GAL: variants seen among roughly 807,000 people sequenced by gnomAD.
GAL encodes the protein galanin and GMAP prepropeptide.
Under a neutral mutation model 15.8 loss-of-function variants are expected in GAL, and 14 were observed. That is an observed-to-expected ratio of 0.89 (90% CI 0.59 to 1.39). The LOEUF is 1.39. Ranked by LOEUF, GAL falls within the 40% of genes most tolerant of loss-of-function variation. The pLI, the probability that GAL is intolerant of heterozygous loss-of-function variation, is 0.00. For synonymous variants in GAL, 79 were observed against 73.8 expected (o/e 1.07, Z -0.36); for missense variants, 176 against 170.4 (o/e 1.03, Z -0.18).
In GAL at chr11:68,691,034, C is replaced by T. The variant is rs775052057; in HGVS notation, c.*47C>T. 3 of 1,184,456 alleles carry T rather than the reference C, an allele frequency of 2.5e-6. No individual in the cohort carries two copies. Among genetic ancestry groups the T allele is most frequent in the Non-Finnish European group, 2.5e-6 (2 of 788,268 alleles). The allele number at this position is 1,184,456 out of a possible 1,614,324, so 73.4% of individuals were successfully genotyped here. The stretch of plus-strand genomic sequence containing the variant: ...CTGTGTGCTGTAACCTGAAGTCAAA[C>T]CTTAAGATAATGGATAATCTTCGGC... On this transcript the variant is annotated 3_prime_UTR_variant, in exon 6 of 6. Coordinates refer to ENST00000265643, the MANE Select transcript of GAL (RefSeq NM_015973.5).
intron 3 of GAL, 44 bp downstream of exon 3, chr11:68,685,692 G>A (rs377221826): frequency 6.9e-7 from 1 of 1,443,448 alleles, no homozygotes; most frequent in South Asian, 1.2e-5. Context: ...GACCCCACCT[G>A]CCCCTCGCTT....
chr11:68,686,582 T>C (rs1159344649), intron 3 of GAL, among the ~76,000 whole-genome samples: 1 of 152,028 alleles, frequency 6.6e-6, no homozygotes, highest in Non-Finnish European at 1.5e-5. Context: ...TTTATCGGGG[T>C]CACTCAGAGG....
chr11:68,688,971 G>A, intron 5 of GAL, 45 bp downstream of exon 5: 2 of 945,454 alleles, frequency 2.1e-6, no homozygotes, highest in Non-Finnish European at 1.7e-6. Context: ...TTAGTACACT[G>A]GAAACGTAAA....
chr11:68,686,278 C>G (rs2153989778), intron 3 of GAL, among the ~76,000 whole-genome samples: 1 of 152,290 alleles, frequency 6.6e-6, no homozygotes, highest in Middle Eastern at 3.4e-3. Context: ...TCTACTTTCT[C>G]CACATCCTTG....
At chr11:68,688,981 A>G in intron 5 of GAL, 55 bp downstream of exon 5, 2 of 867,062 alleles carry the variant, frequency 2.3e-6, no homozygotes, top group Admixed American at 1.8e-5. Context: ...GGAAACGTAA[A>G]AGGCCCATCG....
At chr11:68,685,198 C>T (rs573835836) in intron 2 of GAL, among the ~76,000 whole-genome samples, 194 bp downstream of exon 2, 15 of 152,334 alleles carry the variant, frequency 9.8e-5, no homozygotes, top group Admixed American at 2.0e-4. Context: ...CGCGCTTCTC[C>T]GAGTGTATCA....
rs936711290 is a variant in GAL at position 68,688,853 on chromosome 11, C to G, written c.228C>G (p.Ser76Arg). The G allele has an allele frequency of 4.0e-6, 6 of 1,515,790 alleles. No individual in the cohort carries two copies. Among genetic ancestry groups the G allele is most frequent in the Middle Eastern group, 1.7e-4 (1 of 5,904 alleles). 93.9% of individuals were successfully genotyped at this position (1,515,790 alleles called of 1,614,324 possible). ...LRPEDDMKPGSFDRSIPENNI... is the reference protein window; with the variant it reads ...LRPEDDMKPGRFDRSIPENNI... ...TGTTGATCTTTTCTCTTCTAGGAAG[C>G]TTTGACAGGTCCATACCTGAAAACA... The change falls in exon 5 of 6, where the codon AGC becomes AGG. Residue 76 changes from serine (S) to arginine (R), a missense_variant. Physicochemically the swap from Ser to Arg is moderately radical, Grantham distance 110. Coordinates refer to ENST00000265643, the MANE Select transcript of GAL (RefSeq NM_015973.5).
At chr11:68,686,489 T>C (rs1019380710) in intron 3 of GAL, among the ~76,000 whole-genome samples, 1 of 152,188 alleles carries the variant, frequency 6.6e-6, no homozygotes, top group Non-Finnish European at 1.5e-5. Context: ...GGGAGAATGG[T>C]GCTCTTCTCC....
At chr11:68,685,136 C>T in intron 2 of GAL, 132 bp downstream of exon 2, 5 of 649,976 alleles carry the variant, frequency 7.7e-6, no homozygotes, top group South Asian at 1.8e-5. Flanking sequence ...CGGGCGCTGT[C>T]CTGGCTGCGG....
In GAL at chr11:68,690,904, C is replaced by CT; in HGVS notation, c.302-11dup. On this transcript the variant is annotated splice_polypyrimidine_tract_variant and intron_variant, in intron 5 of 5. Transcript: ENST00000265643. ...AAGAAGTTGCTGCTCAGATGTGGCT[C>CT]TTCCCTTTGCAGAGGCCGGTGCCCT... The CT allele has an allele frequency of 6.3e-7, 1 of 1,594,250 alleles. No individual in the cohort carries two copies. The highest frequency in any genetic ancestry group is 8.6e-7 in the Non-Finnish European group (1 of 1,162,546).
chr11:68,690,966 A>G lies in GAL; in HGVS notation c.351A>G (p.Ser117=). The G allele has an allele frequency of 6.2e-7, 1 of 1,613,026 alleles. No individual in the cohort carries two copies. The highest frequency in any genetic ancestry group is 8.5e-7 in the Non-Finnish European group (1 of 1,179,208). The change falls in exon 6 of 6, where the codon TCA becomes TCG. Residue 117 remains serine, a synonymous_variant. Coordinates refer to ENST00000265643, the MANE Select transcript of GAL (RefSeq NM_015973.5). ...TGGATCTCCCCGCCGCAGCCTCCTC[A>G]GAAGACATCGAGCGGTCCTGAGAGC... is the stretch of plus-strand genomic sequence containing the variant. ...RLLDLPAAAS[S]EDIERS is the part of the protein sequence containing the mutation.
chr11:68,686,265 G>T (rs1022849105), intron 3 of GAL, among the ~76,000 whole-genome samples: 1 of 152,124 alleles, frequency 6.6e-6, no homozygotes, highest in African/African-American at 2.4e-5. Flanking sequence ...CCTGTCCCAG[G>T]CCTCTACTTT....
intron 5 of GAL, among the ~76,000 whole-genome samples, chr11:68,690,543 G>A (rs3136542): frequency 0.045 from 6,911 of 152,148 alleles, 528 homozygotes; most frequent in African/African-American, 0.16. Context: ...GGAGCCTCTG[G>A]GAGAAAAGCT....
chr11:68,689,480 T>C (rs965760918), intron 5 of GAL, among the ~76,000 whole-genome samples: 1 of 152,090 alleles, frequency 6.6e-6, no homozygotes, highest in Non-Finnish European at 1.5e-5. Flanking sequence ...CACTGCAGCC[T>C]CTGCCTCCTG....
rs1260406317 is a variant in GAL, at chr11:68,685,565, G to A, written c.82-29G>A. 4 of 1,564,178 alleles carry A rather than the reference G, an allele frequency of 2.6e-6. No homozygotes were observed. The South Asian group carries it at 4.4e-5, about 17-fold the overall frequency. ...CAGCATAGGCTCCAGGCACAGCCCT[G>A]GCATCTGATCCCCTTTTCTCCCTTC... On this transcript the variant is annotated intron_variant, in intron 2 of 5. Transcript: ENST00000265643.
chr11:68,687,577 GT>G (rs1265487342), intron 3 of GAL, among the ~76,000 whole-genome samples: 4 of 152,022 alleles, frequency 2.6e-5, no homozygotes, highest in African/African-American at 7.3e-5. Context: ...ATCAGATTCA[GT>G]CACAACTTAA....
At chr11:68,685,518 G>A in intron 2 of GAL, 76 bp from the exon 3 acceptor site, 2 of 1,000,576 alleles carry the variant, frequency 2.0e-6, no homozygotes, top group Non-Finnish European at 3.2e-6. Context: ...TGCCATGCCG[G>A]GAAAGCCTGG....
At chr11:68,687,322 G>A (rs781752178) in intron 3 of GAL, among the ~76,000 whole-genome samples, 5 of 151,686 alleles carry the variant, frequency 3.3e-5, no homozygotes, top group Admixed American at 2.0e-4. Context: ...TTCACCCCAC[G>A]CCTCTTGGTT....
intron 5 of GAL, among the ~76,000 whole-genome samples, chr11:68,690,246 T>A (rs1371491146): frequency 6.6e-6 from 1 of 151,908 alleles, no homozygotes; most frequent in African/African-American, 2.4e-5. Flanking sequence ...GAGCTGGTGG[T>A]GGGGAGGAGG....
Sources: allele counts gnomAD v4.1 joint callset (sites outside exome capture counted in the v4.1 genomes callset), GRCh38; gene constraint gnomAD v4.1.1; transcripts MANE v1.5; gene names NCBI Gene and HGNC (gene_info 2026-07-23, HGNC 2026-07-21).